PALLD: variants seen among roughly 807,000 people sequenced by gnomAD.
PALLD encodes palladin, cytoskeletal associated protein.
A neutral mutation model predicts 123.5 loss-of-function variants in PALLD; 61 were observed. The observed-to-expected ratio is 0.49, with a 90% confidence interval of 0.40 to 0.61. The LOEUF is 0.61. Ranked by LOEUF, PALLD falls within the 20% of genes least tolerant of loss-of-function variation. PALLD has a pLI of 0.00. For missense variants in PALLD, 1,273 were observed against 1,377.0 expected (o/e 0.92, Z 1.20); for synonymous variants, 465 against 496.4 (o/e 0.94, Z 0.84).
intron 10 of PALLD, among the ~76,000 whole-genome samples, chr4:168,801,277 T>G (rs535378723): frequency 2.0e-5 from 3 of 152,304 alleles, no homozygotes; most frequent in South Asian, 2.1e-4. Flanking sequence ...TGTAAAATTT[T>G]TTTGTTTGTT....
At chr4:168,800,223 C>T (rs530401502) in intron 10 of PALLD, among the ~76,000 whole-genome samples, 97 of 152,062 alleles carry the variant, frequency 6.4e-4, no homozygotes, top group African/African-American at 2.2e-3. Flanking sequence ...TTAAACAAGG[C>T]ATAAAAAGAT....
At chr4:168,645,484 T>A (rs1241555360) in intron 2 of PALLD, among the ~76,000 whole-genome samples, 1 of 152,196 alleles carries the variant, frequency 6.6e-6, no homozygotes, top group East Asian at 1.9e-4. Flanking sequence ...ACTCTTTGAA[T>A]CCCTTTAAGT....
At chr4:168,924,464 T>C (rs761759460) in intron 19 of PALLD, 44 bp downstream of exon 19, 4 of 1,511,296 alleles carry the variant, frequency 2.6e-6, no homozygotes, top group Non-Finnish European at 3.7e-6. Flanking sequence ...TGTTCAGTCC[T>C]AATGATGTAT....
intron 3 of PALLD, among the ~76,000 whole-genome samples, chr4:168,675,261 G>A (rs1780715183): frequency 6.6e-6 from 1 of 152,176 alleles, no homozygotes; most frequent in Non-Finnish European, 1.5e-5. Flanking sequence ...AGGAGAGGAG[G>A]GCAGGGCAGC....
At chr4:168,805,315 A>G (rs541156118) in intron 10 of PALLD, among the ~76,000 whole-genome samples, 2 of 152,316 alleles carry the variant, frequency 1.3e-5, no homozygotes, top group East Asian at 3.9e-4. Context: ...CTTAGTAACC[A>G]TTCTCTTAAA....
At chr4:168,499,264 G>A (rs1477850410) in intron 1 of PALLD, among the ~76,000 whole-genome samples, 3 of 51,116 alleles carry the variant, frequency 5.9e-5, no homozygotes, top group Non-Finnish European at 1.2e-4. Context: ...GGGAGGAAGG[G>A]AGGGAGGATG....
chr4:168,518,734 T>G (rs1360177632), intron 2 of PALLD, among the ~76,000 whole-genome samples: 1 of 152,248 alleles, frequency 6.6e-6, no homozygotes, highest in African/African-American at 2.4e-5. Flanking sequence ...TCTCCATAGA[T>G]CTCATGTGAT....
At chr4:168,648,485 T>C (rs963368487) in intron 2 of PALLD, 13 of 152,224 alleles carry the variant, frequency 8.5e-5, no homozygotes, top group African/African-American at 3.1e-4. Flanking sequence ...GAAGAAAGTG[T>C]AAGTACTTTG....
intron 10 of PALLD, among the ~76,000 whole-genome samples, chr4:168,872,283 C>A (rs998000143): frequency 5.3e-5 from 8 of 152,126 alleles, no homozygotes; most frequent in Non-Finnish European, 1.2e-4. Flanking sequence ...ATTCTAAGTA[C>A]AAAGGAAAAG....
chr4:168,832,104 C>T (rs777896606), intron 10 of PALLD: 64 of 985,302 alleles, frequency 6.5e-5, no homozygotes, highest in Non-Finnish European at 7.5e-5. Flanking sequence ...TCCGCGGAGC[C>T]CGCTGCAGCT....
At chr4:168,630,221 T>C (rs905690628) in intron 2 of PALLD, among the ~76,000 whole-genome samples, 1 of 152,224 alleles carries the variant, frequency 6.6e-6, no homozygotes, top group Non-Finnish European at 1.5e-5. Flanking sequence ...CCCTGCTTCA[T>C]TGTGATGCCT....
At chr4:168,516,039 C>T (rs1213120840) in intron 2 of PALLD, among the ~76,000 whole-genome samples, 1 of 152,196 alleles carries the variant, frequency 6.6e-6, no homozygotes. Flanking sequence ...CACCCTCTCA[C>T]ACTGTGTGAA....
intron 2 of PALLD, among the ~76,000 whole-genome samples, chr4:168,574,655 T>C (rs1769363651): frequency 6.6e-6 from 1 of 152,076 alleles, no homozygotes; most frequent in Non-Finnish European, 1.5e-5. Flanking sequence ...GAATGAATCA[T>C]TCCCCAAAGC....
chr4:168,865,522 T>C (rs1230804311), intron 10 of PALLD, among the ~76,000 whole-genome samples: 3 of 152,228 alleles, frequency 2.0e-5, no homozygotes, highest in African/African-American at 7.2e-5. Flanking sequence ...CTCACATTGA[T>C]TGCAAGACCA....
intron 10 of PALLD, chr4:168,832,281 G>C (rs770977549): frequency 5.1e-5 from 39 of 757,726 alleles, no homozygotes; most frequent in Non-Finnish European, 6.3e-5. Flanking sequence ...GGGACAGGGT[G>C]GGGGCGGGGA....
At chr4:168,763,436 G>A (rs919808640) in intron 10 of PALLD, among the ~76,000 whole-genome samples, 14 of 152,124 alleles carry the variant, frequency 9.2e-5, no homozygotes, top group African/African-American at 2.4e-4. Flanking sequence ...GTTCACAGCC[G>A]TTCCACAGCC....
intron 8 of PALLD, among the ~76,000 whole-genome samples, chr4:168,691,847 G>T (rs1446304544): frequency 6.6e-6 from 1 of 152,158 alleles, no homozygotes; most frequent in African/African-American, 2.4e-5. Flanking sequence ...CGTTTGACCA[G>T]ATCACAGTGC....
Position 168,691,273 on chromosome 4 carries a change from T to G in PALLD, c.1482T>G (p.Pro494=), listed in dbSNP as rs1782595105. Residue 494 remains proline, a synonymous_variant, in exon 8 of 22, where the codon CCT becomes CCG. Transcript: ENST00000505667. ...TTTTTTTCATGTGGCAAACAGAACC[T>G]AGATCTACAGCTGAACCTGGTAAGA... ...SPDFRILQKK[P]RSTAEPEEIC... The G allele has an allele frequency of 6.2e-7, 1 of 1,610,434 alleles. No homozygotes were observed. Among genetic ancestry groups the G allele is most frequent in the Non-Finnish European group, 8.5e-7 (1 of 1,177,352 alleles).
At chr4:168,607,531 TATAAC>T (rs1773307560) in intron 2 of PALLD, among the ~76,000 whole-genome samples, 1 of 152,202 alleles carries the variant, frequency 6.6e-6, no homozygotes, top group Non-Finnish European at 1.5e-5. Context: ...CCATAATACT[TATAAC>T]AGATAATATT....
Sources: allele counts gnomAD v4.1 joint callset (sites outside exome capture counted in the v4.1 genomes callset), GRCh38; gene constraint gnomAD v4.1.1; transcripts MANE v1.5; gene names NCBI Gene and HGNC (gene_info 2026-07-23, HGNC 2026-07-21).